UBE2E2: variants seen among roughly 807,000 people sequenced by gnomAD.
UBE2E2 encodes the protein ubiquitin conjugating enzyme E2 E2.
UBE2E2 carries 6 observed loss-of-function variants against 24.7 expected under a neutral mutation model. The ratio of observed to expected loss-of-function variants is 0.24; its 90% CI spans 0.13 to 0.48. The LOEUF (loss-of-function observed/expected upper bound fraction) is 0.48, where lower values mean the gene tolerates loss of function less well. Ranked by LOEUF, UBE2E2 falls within the 20% of genes least tolerant of loss-of-function variation. UBE2E2 has a pLI of 0.99. For synonymous variants in UBE2E2, 104 were observed against 83.6 expected (o/e 1.24, Z -1.33); for missense variants, 169 against 245.0 (o/e 0.69, Z 2.07).
chr3:23,394,062 A>G (rs1029885139), intron 3 of UBE2E2, among the ~76,000 whole-genome samples: 23 of 152,208 alleles, frequency 1.5e-4, no homozygotes, highest in African/African-American at 5.5e-4. Flanking sequence ...GGGGAGTTTA[A>G]TACTCTGGTC....
chr3:23,279,488 A>G (rs1438919046), intron 3 of UBE2E2, among the ~76,000 whole-genome samples: 1 of 152,188 alleles, frequency 6.6e-6, no homozygotes, highest in African/African-American at 2.4e-5. Flanking sequence ...CAGATATAAC[A>G]TTAATATAAC....
chr3:23,362,920 C>G (rs1696157744), intron 3 of UBE2E2, among the ~76,000 whole-genome samples: 1 of 84,600 alleles, frequency 1.2e-5, no homozygotes, highest in African/African-American at 5.2e-5. Flanking sequence ...AAAGGGAACC[C>G]CATCAGGCTA....
At chr3:23,248,614 C>T (rs1037044931) in intron 3 of UBE2E2, among the ~76,000 whole-genome samples, 4 of 152,112 alleles carry the variant, frequency 2.6e-5, no homozygotes, top group African/African-American at 9.7e-5. Context: ...GTCTTCTTTA[C>T]GAAAAGGAGA....
At chr3:23,521,841 AT>A (rs1694874833) in intron 4 of UBE2E2, among the ~76,000 whole-genome samples, 1 of 152,182 alleles carries the variant, frequency 6.6e-6, no homozygotes, top group Non-Finnish European at 1.5e-5. Flanking sequence ...CAGAAGGAAG[AT>A]TAAACCAAGA....
At chr3:23,391,232 A>T (rs1559370196) in intron 3 of UBE2E2, among the ~76,000 whole-genome samples, 1 of 152,214 alleles carries the variant, frequency 6.6e-6, no homozygotes, top group Non-Finnish European at 1.5e-5. Flanking sequence ...TTATAAGTTA[A>T]TGATTAGGTA....
chr3:23,392,618 A>G (rs1315825523), intron 3 of UBE2E2, among the ~76,000 whole-genome samples: 2 of 152,204 alleles, frequency 1.3e-5, no homozygotes, highest in South Asian at 2.1e-4. Flanking sequence ...AGAATATTGC[A>G]TGGTCTAATT....
intron 3 of UBE2E2, among the ~76,000 whole-genome samples, chr3:23,266,821 A>G (rs1025561005): frequency 4.6e-5 from 7 of 152,226 alleles, no homozygotes; most frequent in Non-Finnish European, 1.0e-4. Context: ...TCTCCTCAGC[A>G]AATGTAAAAG....
At chr3:23,383,254 C>T (rs1183169816) in intron 3 of UBE2E2, among the ~76,000 whole-genome samples, 1 of 151,824 alleles carries the variant, frequency 6.6e-6, no homozygotes, top group African/African-American at 2.4e-5. Context: ...ATAAATTCAG[C>T]TGTGGACATA....
chr3:23,312,580 G>T (rs1694440648), intron 3 of UBE2E2, among the ~76,000 whole-genome samples: 1 of 151,638 alleles, frequency 6.6e-6, no homozygotes, highest in South Asian at 2.1e-4. Context: ...CCTGAGTTCA[G>T]TTGTTTTGTT....
At chr3:23,548,634 C>A (rs1482117296) in intron 5 of UBE2E2, among the ~76,000 whole-genome samples, 1 of 152,166 alleles carries the variant, frequency 6.6e-6, no homozygotes, top group Admixed American at 6.5e-5. Context: ...GCATTTCCAG[C>A]CTCCTGATTT....
intron 3 of UBE2E2, among the ~76,000 whole-genome samples, chr3:23,233,661 A>G (rs1408224119): frequency 6.6e-6 from 1 of 152,190 alleles, no homozygotes; most frequent in Non-Finnish European, 1.5e-5. Context: ...TATAATAACA[A>G]AAGAACCTCA....
intron 4 of UBE2E2, among the ~76,000 whole-genome samples, chr3:23,507,429 CCTT>C (rs1694482914): frequency 6.6e-6 from 1 of 152,194 alleles, no homozygotes; most frequent in Non-Finnish European, 1.5e-5. Context: ...TGATGTCACT[CCTT>C]TAATCTCATC....
intron 3 of UBE2E2, among the ~76,000 whole-genome samples, chr3:23,274,891 C>G (rs1300327123): frequency 2.6e-5 from 4 of 151,828 alleles, no homozygotes; most frequent in Non-Finnish European, 5.9e-5. Flanking sequence ...GCCTAATTGC[C>G]CTTATTTATT....
At chr3:23,278,942 G>GT (rs5847228) in intron 3 of UBE2E2, among the ~76,000 whole-genome samples, 5 of 151,626 alleles carry the variant, frequency 3.3e-5, no homozygotes, top group Middle Eastern at 6.8e-3. Context: ...TCATTTTCCA[G>GT]TTTTTTTTAA....
At chr3:23,308,209 T>G (rs1699285637) in intron 3 of UBE2E2, among the ~76,000 whole-genome samples, 1 of 152,240 alleles carries the variant, frequency 6.6e-6, no homozygotes, top group South Asian at 2.1e-4. Context: ...GGAATTATTG[T>G]CAGGATTAAG....
chr3:23,319,853 C>T (rs550921714), intron 3 of UBE2E2, among the ~76,000 whole-genome samples: 2 of 151,256 alleles, frequency 1.3e-5, no homozygotes, highest in Non-Finnish European at 3.0e-5. Flanking sequence ...CAAAAAAAAA[C>T]CCAAAAAACC....
At position 23,448,948 on chromosome 3, in the gene UBE2E2, C is replaced by T. The variant is rs1294354046; in HGVS notation, c.228-50660C>T. 2.6e-5 allele frequency among the ~76,000 whole-genome samples: 4 copies of T among 152,282 alleles called. No individual in the cohort carries two copies. The East Asian group carries it at 7.7e-4, about 29-fold the overall frequency. ...CTTCTGTCTCCTTTCTTGGAGTTCA[C>T]CACAAACTTATATTTTCTGGTTTTT... On this transcript the variant is annotated intron_variant, in intron 3 of 5. Coordinates refer to ENST00000396703, the MANE Select transcript of UBE2E2 (RefSeq NM_152653.4).
At chr3:23,344,390 C>A (rs187054933) in intron 3 of UBE2E2, among the ~76,000 whole-genome samples, 51 of 152,166 alleles carry the variant, frequency 3.4e-4, no homozygotes, top group African/African-American at 1.2e-3. Flanking sequence ...CTTAGAGCCA[C>A]AAAAACCTTG....
At position 23,474,568 on chromosome 3, in the gene UBE2E2, C is replaced by T. The variant is rs1225380367; in HGVS notation, c.228-25040C>T. On this transcript the variant is annotated intron_variant, in intron 3 of 5. Transcript: ENST00000396703. The surrounding 1 kb of genome is among the most constrained non-coding windows in gnomAD (Gnocchi z 4.0). ...GCTTTGGTGATATCTAATCCACCTT[C>T]CTCATCTTCATAAATTAAGGATCTG... Among the ~76,000 whole-genome samples, 1 of 152,050 alleles carries T rather than the reference C, an allele frequency of 6.6e-6. No homozygotes were observed. The highest frequency in any genetic ancestry group is 1.5e-5 in the Non-Finnish European group (1 of 68,018).
Sources: allele counts gnomAD v4.1 joint callset (sites outside exome capture counted in the v4.1 genomes callset), GRCh38; gene constraint gnomAD v4.1.1; non-coding constraint Gnocchi (gnomAD v3.1); transcripts MANE v1.5; gene names NCBI Gene and HGNC (gene_info 2026-07-23, HGNC 2026-07-21).